ANKFY1: variants seen among roughly 807,000 people sequenced by gnomAD.
ANKFY1 encodes the protein ankyrin repeat and FYVE domain containing 1, also known as ankyrin repeat and FYVE domain-containing protein 1.
In ANKFY1, 47 loss-of-function variants were observed where a neutral mutation model predicts 128.3. That is an observed-to-expected ratio of 0.37 (90% confidence interval 0.29 to 0.47). The LOEUF (loss-of-function observed/expected upper bound fraction) is 0.47. Among genes scored for constraint, ANKFY1 ranks in the 20% least tolerant of loss-of-function variants. The pLI, the probability that ANKFY1 is intolerant of heterozygous loss-of-function variation, is 1.00. For synonymous variants in ANKFY1, 553 were observed against 601.6 expected, an observed-to-expected ratio of 0.92 and a Z score of 1.18; for missense variants, 1,222 against 1,510.6, an observed-to-expected ratio of 0.81 and a Z score of 3.17.
At position 4,210,257 on chromosome 17, in the gene ANKFY1, T is replaced by C. The variant is rs971719540; in HGVS notation, c.459-310A>G. Among the ~76,000 whole-genome samples the C allele has an allele frequency of 6.6e-5, 10 of 152,174 alleles. No individual in the cohort carries two copies. The East Asian group carries it at 1.9e-3, about 29-fold the overall frequency. On this transcript the variant is annotated intron_variant, in intron 4 of 24. Coordinates refer to ENST00000341657, the MANE Select transcript of ANKFY1 (RefSeq NM_001330063.2). ...ACCCGCTGATCACACAGACAGGTAA[T>C]TGTCGAATCAAGCACAAAATGGATC... is the stretch of plus-strand genomic sequence containing the variant.
rs371588557 is a variant in ANKFY1, at chr17:4,195,171, A to G, written c.1179T>C (p.Asp393=). The G allele has an allele frequency of 1.9e-6, 3 of 1,605,588 alleles. No homozygotes were observed. The highest frequency in any genetic ancestry group is 2.7e-5 in the African/African-American group (2 of 74,770). ...TGCCCTCGTGGTCTTTGAGTTCTAAATCTAGTCTGAAAAGCAGAAGCAGTG... is the reference window on the plus strand; with the variant it reads ...TGCCCTCGTGGTCTTTGAGTTCTAAGTCTAGTCTGAAAAGCAGAAGCAGTG... ...FSQLLQCKQL[D]LELKDHEGST... Residue 393 remains aspartate (D), a synonymous_variant, in exon 10 of 25, where the codon GAT becomes GAC. Coordinates refer to ENST00000341657, the MANE Select transcript of ANKFY1 (RefSeq NM_001330063.2).
intron 13 of ANKFY1, 119 bp from the exon 14 acceptor site, chr17:4,183,670 G>A (rs1012714566): frequency 1.4e-6 from 2 of 1,425,382 alleles, no homozygotes; most frequent in African/African-American, 2.8e-5. Context: ...GGATCTAACA[G>A]GCTTAACTCA....
In ANKFY1 at chr17:4,177,222, G is replaced by T; in HGVS notation, c.2679C>A (p.Val893=). The stretch of plus-strand genomic sequence containing the variant: ...GGACTCTTGAATTCACATTAGCGTG[G>T]ACACTGATCAGGAACAGCACACTTT... ...DIESVLFLIS[V]HANVNSRVQD... is the part of the protein sequence containing the mutation. The change falls in exon 19 of 25, where the codon GTC becomes GTA. Residue 893 remains valine (V), a synonymous_variant. Transcript: ENST00000341657. The T allele has an allele frequency of 6.2e-7, 1 of 1,608,444 alleles. No individual in the cohort carries two copies. Among genetic ancestry groups the T allele is most frequent in the Non-Finnish European group, 8.5e-7 (1 of 1,177,246 alleles).
chr17:4,211,118 A>C (rs2060122906), intron 4 of ANKFY1, among the ~76,000 whole-genome samples: 1 of 152,162 alleles, frequency 6.6e-6, no homozygotes, highest in Admixed American at 6.5e-5. Context: ...AAAACAGCCA[A>C]ATCAGCCAGG....
rs758721026 is a variant in ANKFY1, at chr17:4,235,796, A to C, written c.298T>G (p.Ser100Ala). 4 of 1,614,188 alleles carry C rather than the reference A, an allele frequency of 2.5e-6. No individual in the cohort carries two copies. The South Asian group carries it at 4.4e-5, about 18-fold the overall frequency. The change falls in exon 3 of 25, where the codon TCC (serine) becomes GCC (alanine). Residue 100 changes from serine (S) to alanine (A), a missense_variant. Transcript: ENST00000341657. ...SDSWSLANLSSTKELDLSDAN... is the reference protein window; with the variant it reads ...SDSWSLANLSATKELDLSDAN... ...CCTGACAGGTCCAACTCTTTAGTGG[A>C]AGACAAGTTAGCCAGACTCCAGCTG...
chr17:4,205,531 A>G (rs1046986418), intron 7 of ANKFY1, among the ~76,000 whole-genome samples: 3 of 152,184 alleles, frequency 2.0e-5, no homozygotes, highest in African/African-American at 7.2e-5. Context: ...TCACCAGGTC[A>G]GGAGATCGAG....
Position 4,169,202 on chromosome 17 carries a change from G to A in ANKFY1, c.3373C>T (p.His1125Tyr). 1 of 1,551,860 alleles carries A rather than the reference G, an allele frequency of 6.4e-7. No individual in the cohort carries two copies. Among genetic ancestry groups the A allele is most frequent in the Non-Finnish European group, 8.7e-7 (1 of 1,147,024 alleles). Reference sequence around the variant, plus strand: ...CCAGTGACGCTGGGGTCTTACCAGTGGTGTTTGCGAGTGGTGACTCCGAAC... The same window carrying A: ...CCAGTGACGCTGGGGTCTTACCAGTAGTGTTTGCGAGTGGTGACTCCGAAC... Reference protein sequence around the residue: ...ARFGVTTRKHHCRHCGRLLCH... With the variant: ...ARFGVTTRKHYCRHCGRLLCH... Residue 1125 changes from histidine (H) to tyrosine (Y), a missense_variant, in exon 24 of 25, where the codon CAC (histidine) becomes TAC (tyrosine). Coordinates refer to ENST00000341657, the MANE Select transcript of ANKFY1 (RefSeq NM_001330063.2). The surrounding 1 kb of genome is among the most constrained non-coding windows in gnomAD (Gnocchi z 5.0).
intron 1 of ANKFY1, among the ~76,000 whole-genome samples, chr17:4,246,644 T>G (rs1967556573): frequency 6.6e-6 from 1 of 152,222 alleles, no homozygotes; most frequent in African/African-American, 2.4e-5. Flanking sequence ...AACCTTGGTT[T>G]CAATCACACC....
chr17:4,193,588 G>A (rs983717065), intron 10 of ANKFY1, among the ~76,000 whole-genome samples: 19 of 151,486 alleles, frequency 1.3e-4, no homozygotes, highest in Admixed American at 7.2e-4. Context: ...CATCACGCCC[G>A]GCTAATTTTT....
chr17:4,239,968 G>A (rs1208319509), intron 2 of ANKFY1, among the ~76,000 whole-genome samples: 1 of 151,618 alleles, frequency 6.6e-6, no homozygotes, highest in Non-Finnish European at 1.5e-5. Flanking sequence ...CCCCAATTCA[G>A]TCTTTCATCA....
At chr17:4,224,706 T>C (rs1336003232) in intron 3 of ANKFY1, among the ~76,000 whole-genome samples, 1 of 152,176 alleles carries the variant, frequency 6.6e-6, no homozygotes, top group Non-Finnish European at 1.5e-5. Context: ...TTTCGTGTTT[T>C]TGGGAAAGCA....
rs1300357407 is a variant in ANKFY1, at chr17:4,195,226, C to T, written c.1173-49G>A. On this transcript the variant is annotated intron_variant, in intron 9 of 24. Coordinates refer to ENST00000341657, the MANE Select transcript of ANKFY1 (RefSeq NM_001330063.2). ...CAGCACATACAATCTTTTTGAGACACTCTATACTGACAACAACCTGGTTCT... is the reference window on the plus strand; with the variant it reads ...CAGCACATACAATCTTTTTGAGACATTCTATACTGACAACAACCTGGTTCT... The T allele has an allele frequency of 1.0e-5, 16 of 1,537,582 alleles. 1 individual carries two copies. The highest frequency in any genetic ancestry group is 4.1e-5 in the African/African-American group (3 of 72,958).
intron 17 of ANKFY1, 170 bp downstream of exon 17, chr17:4,179,551 G>A (rs527834520): frequency 3.6e-6 from 3 of 828,108 alleles, no homozygotes; most frequent in Admixed American, 2.5e-5. Context: ...TAAGGACAAA[G>A]GCACAGAGAA....
Position 4,235,220 on chromosome 17 carries a change from G to A in ANKFY1, c.322+552C>T, listed in dbSNP as rs537560150. ...TAGCTGGGTGTGGTGGTGGGTGCCT[G>A]TAATCCCAGCTACTCGGGAGGCTGA... On this transcript the variant is annotated intron_variant, in intron 3 of 24. Coordinates refer to ENST00000341657, the MANE Select transcript of ANKFY1 (RefSeq NM_001330063.2). Among the ~76,000 whole-genome samples, 23 of 151,868 alleles carry A rather than the reference G, an allele frequency of 1.5e-4. 1 individual carries two copies. In the South Asian group the frequency reaches 4.6e-3, roughly 30 times the overall value.
Position 4,182,335 on chromosome 17 carries a change from T to C in ANKFY1, c.1967A>G (p.Glu656Gly). 6.3e-7 allele frequency: 1 copy of C among 1,581,660 alleles called. No homozygotes were observed. The highest frequency in any genetic ancestry group is 1.2e-5 in the South Asian group (1 of 83,610). Residue 656 changes from glutamate to glycine, a missense_variant, in exon 15 of 25, where the codon GAG becomes GGG. Transcript: ENST00000341657. ...ADINVRTQDGETALQLAIRNQ... is the reference protein window; with the variant it reads ...ADINVRTQDGGTALQLAIRNQ... Reference sequence around the variant, plus strand: ...TCTGATGGCCAGCTGGAGGGCTGTCTCCCCGTCCTGAGTCCTGCTAGGACA... The same window carrying C: ...TCTGATGGCCAGCTGGAGGGCTGTCCCCCCGTCCTGAGTCCTGCTAGGACA...
intron 1 of ANKFY1, among the ~76,000 whole-genome samples, chr17:4,248,564 C>A (rs79956959): frequency 0.017 from 2,632 of 152,344 alleles, 72 homozygotes; most frequent in African/African-American, 0.06. Context: ...GTAAGGCTTA[C>A]CGCTGCTGCT....
chr17:4,203,087 A>G (rs2059962790), intron 7 of ANKFY1, among the ~76,000 whole-genome samples: 1 of 152,124 alleles, frequency 6.6e-6, no homozygotes, highest in Admixed American at 6.6e-5. Flanking sequence ...CAGAGGGTAC[A>G]TAAAGGAAAA....
intron 2 of ANKFY1, among the ~76,000 whole-genome samples, chr17:4,237,920 A>C (rs1966990206): frequency 6.6e-6 from 1 of 152,172 alleles, no homozygotes; most frequent in Non-Finnish European, 1.5e-5. Context: ...TTAGTTTCTC[A>C]GACACTTCAA....
Position 4,178,733 on chromosome 17 carries a change from G to T in ANKFY1, c.2598+124C>A. On this transcript the variant is annotated intron_variant, in intron 18 of 24. Coordinates refer to ENST00000341657, the MANE Select transcript of ANKFY1 (RefSeq NM_001330063.2). The surrounding 1 kb of genome is among the most constrained non-coding windows in gnomAD (Gnocchi z 4.1). ...ATCTCAACAGCCACATCTTAGGACA[G>T]GAGTACAACTTCAAAACAAAGCTCT... 1 of 925,394 alleles carries T rather than the reference G, an allele frequency of 1.1e-6. No individual in the cohort carries two copies. The highest frequency in any genetic ancestry group is 1.7e-6 in the Non-Finnish European group (1 of 595,524). 57.3% of individuals were successfully genotyped at this position (925,394 alleles called of 1,614,324 possible).
Sources: gnomAD v4.1 joint callset for allele counts (sites outside exome capture counted in the v4.1 genomes callset) on GRCh38, gnomAD v4.1.1 for gene constraint, Gnocchi (gnomAD v3.1) non-coding constraint, MANE v1.5 for transcripts, NCBI Gene and HGNC (gene_info 2026-07-23, HGNC 2026-07-21) for gene names.